The following MYO9B variants were observed in gnomAD, a reference collection of about 807,000 sequenced individuals.
MYO9B encodes the protein unconventional myosin-IXb.
A neutral mutation model predicts 229.5 loss-of-function variants in MYO9B; 71 were observed. That is an observed-to-expected ratio of 0.31 (90% CI 0.26 to 0.38). The LOEUF is 0.38. Among genes scored for constraint, MYO9B ranks in the 10% least tolerant of loss-of-function variants. The pLI is 1.00. For synonymous variants in MYO9B, 1,185 were observed against 1,235.8 expected (o/e 0.96, Z 0.86); for missense variants, 2,255 against 2,920.5 (o/e 0.77, Z 5.25).
intron 2 of MYO9B, among the ~76,000 whole-genome samples, chr19:17,123,561 C>T (rs920171546): frequency 1.5e-4 from 23 of 152,172 alleles, no homozygotes; most frequent in African/African-American, 5.5e-4. Flanking sequence ...CTGCCTCAAC[C>T]TCTGAAATAG....
In MYO9B at chr19:17,195,031, AC is replaced by A. The variant is rs779679840; in HGVS notation, c.3607del (p.Leu1203PhefsTer2). 1 of 1,612,810 alleles carries A rather than the reference AC, an allele frequency of 6.2e-7. No homozygotes were observed. The highest frequency in any genetic ancestry group is 8.5e-7 in the Non-Finnish European group (1 of 1,179,794). On this transcript the variant is annotated frameshift_variant, in exon 22 of 40. Transcript: ENST00000682292. LOFTEE classifies it high-confidence loss of function. This position sits in a 1 kb window ranked among gnomAD's most constrained non-coding sequence, Gnocchi z 4.5. Reference protein sequence around the residue: ...EDKKESREDETLLVVETEAEN... With the variant: ...EDKKESREDEXLLVVETEAEN... ...CAAAAAGGAGAGCAGAGAAGATGAA[AC>A]CCTTCTAGTCGTAGAGACGGAGGCT...
chr19:17,169,952 G>A (rs764188191), intron 11 of MYO9B, among the ~76,000 whole-genome samples: 16 of 151,398 alleles, frequency 1.1e-4, no homozygotes, highest in African/African-American at 3.4e-4. Flanking sequence ...AGCGATTCTC[G>A]TGTCTCAGCC....
intron 11 of MYO9B, among the ~76,000 whole-genome samples, chr19:17,170,698 C>T (rs910795361): frequency 6.8e-6 from 1 of 148,050 alleles, no homozygotes; most frequent in Non-Finnish European, 1.5e-5. Context: ...GTGGCATGCA[C>T]CTATAGTCCC....
intron 2 of MYO9B, among the ~76,000 whole-genome samples, chr19:17,138,306 G>T (rs923436402): frequency 6.6e-6 from 1 of 152,258 alleles, no homozygotes; most frequent in South Asian, 2.1e-4. Flanking sequence ...ATCACTGATG[G>T]ACATTTGGGT....
At chr19:17,095,511 A>C (rs1192650139) in intron 1 of MYO9B, 4 of 152,250 alleles carry the variant, frequency 2.6e-5, no homozygotes, top group Non-Finnish European at 5.9e-5. Context: ...GGGTTCATCC[A>C]TGTTGTAGCA....
intron 20 of MYO9B, among the ~76,000 whole-genome samples, chr19:17,192,333 C>G (rs142657579): frequency 6.6e-6 from 1 of 150,556 alleles, no homozygotes; most frequent in Admixed American, 6.6e-5. Flanking sequence ...GTGGCTCATG[C>G]CTGTAATCCC....
intron 2 of MYO9B, among the ~76,000 whole-genome samples, chr19:17,106,216 G>A (rs565943929): frequency 7.9e-5 from 12 of 152,204 alleles, no homozygotes; most frequent in African/African-American, 2.4e-4. Context: ...GGCTGGTCTC[G>A]AACTCCTGGC....
At chr19:17,165,635 T>C (rs537389582) in intron 10 of MYO9B, among the ~76,000 whole-genome samples, 45 of 151,998 alleles carry the variant, frequency 3.0e-4, no homozygotes, top group Middle Eastern at 6.8e-3. Context: ...TAACCAGGCA[T>C]ATAGTGGCAC....
At chr19:17,186,814 T>C (rs2072924541) in intron 18 of MYO9B, among the ~76,000 whole-genome samples, 2 of 152,080 alleles carry the variant, frequency 1.3e-5, no homozygotes, top group Non-Finnish European at 2.9e-5. Context: ...CACTGCAGCC[T>C]CGACCTCCCA....
chr19:17,143,870 G>A (rs571878915), intron 2 of MYO9B, among the ~76,000 whole-genome samples: 14 of 152,294 alleles, frequency 9.2e-5, no homozygotes, highest in African/African-American at 2.4e-4. Context: ...GCAGTGAGCC[G>A]AGATCGTGCC....
chr19:17,194,822 C>T lies in MYO9B; in HGVS notation c.3395C>T (p.Thr1132Ile), dbSNP rs2073023469. ...GAGAAGACTCTCCCACCCCAGAAAA[C>T]CGTGGCGGCTGAAAGTCACGAGAAA... ...SPEKTLPPQK[T>I]VAAESHEKVP... The change falls in exon 22 of 40, where the codon ACC (threonine) becomes ATC (isoleucine). Residue 1132 changes from threonine (T) to isoleucine (I), a missense_variant. By Grantham distance (89) the Thr-to-Ile change is moderately conservative. Around this residue, in one of 7 missense-constraint regions of MYO9B, gnomAD observed 679 missense variants for 770.2 expected, o/e 0.88. Coordinates refer to ENST00000682292, the MANE Select transcript of MYO9B (RefSeq NM_004145.4). 4.3e-6 allele frequency: 7 copies of T among 1,613,366 alleles called. No individual in the cohort carries two copies. In the East Asian group the frequency reaches 1.6e-4, roughly 36 times the overall value.
rs1568661887 is a variant in MYO9B, at chr19:17,101,944, G to T, written c.227G>T (p.Trp76Leu). Residue 76 changes from tryptophan to leucine, a missense_variant, in exon 2 of 40, where the codon TGG (tryptophan) becomes TTG (leucine). Physicochemically the swap from Trp to Leu is moderately conservative, Grantham distance 61. Coordinates refer to ENST00000682292, the MANE Select transcript of MYO9B (RefSeq NM_004145.4). The surrounding 1 kb of genome is among the most constrained non-coding windows in gnomAD (Gnocchi z 4.7). ...GTCAAAGAGTCGGGAGGCGAGGAAT[G>T]GGTGCTGGACGCCAACGACTCGCCT... The part of the protein sequence containing the change: ...VEVKESGGEE[W>L]VLDANDSPVH... 6.2e-7 allele frequency: 1 copy of T among 1,613,524 alleles called. No individual in the cohort carries two copies. The highest frequency in any genetic ancestry group is 2.2e-5 in the East Asian group (1 of 44,884).
intron 11 of MYO9B, among the ~76,000 whole-genome samples, chr19:17,171,327 C>T (rs2072722489): frequency 6.6e-6 from 1 of 152,032 alleles, no homozygotes; most frequent in Non-Finnish European, 1.5e-5. Flanking sequence ...TTATTCTGCC[C>T]CCACAATCTC....
At chr19:17,186,274 C>T (rs138127831) in intron 18 of MYO9B, among the ~76,000 whole-genome samples, 12 of 152,174 alleles carry the variant, frequency 7.9e-5, no homozygotes, top group Middle Eastern at 3.4e-3. Context: ...AAAGAGTAGC[C>T]GGTGCAAGGA....
intron 11 of MYO9B, among the ~76,000 whole-genome samples, chr19:17,169,969 G>A (rs1373826577): frequency 6.6e-6 from 1 of 151,786 alleles, no homozygotes; most frequent in Non-Finnish European, 1.5e-5. Context: ...AGCCTCCCGA[G>A]TAGCTGGGAT....
At chr19:17,144,435 T>C (rs2072381249) in intron 2 of MYO9B, among the ~76,000 whole-genome samples, 1 of 136,444 alleles carries the variant, frequency 7.3e-6, no homozygotes, top group Non-Finnish European at 1.6e-5. Context: ...CAAAACCCCA[T>C]CTCTACAAAA....
rs748522872 is a variant in MYO9B at position 17,102,047 on chromosome 19, G to A, written c.330G>A (p.Gln110=). ...PQEDGYYFLL[Q]ERNADGTIKY... Reference sequence around the variant, plus strand: ...AGGATGGCTACTACTTCCTGCTGCAGGAGCGCAACGCAGATGGAACCATCA... The same window carrying A: ...AGGATGGCTACTACTTCCTGCTGCAAGAGCGCAACGCAGATGGAACCATCA... Residue 110 remains glutamine (Q), a synonymous_variant, in exon 2 of 40, where the codon CAG becomes CAA. Coordinates refer to ENST00000682292, the MANE Select transcript of MYO9B (RefSeq NM_004145.4). 2.5e-6 allele frequency: 4 copies of A among 1,612,292 alleles called. No homozygotes were observed. The African/African-American group carries it at 4.0e-5, about 16-fold the overall frequency.
intron 17 of MYO9B, among the ~76,000 whole-genome samples, chr19:17,185,546 C>CA (rs556058505): frequency 0.033 from 3,842 of 118,034 alleles, 152 homozygotes; most frequent in African/African-American, 0.084. Flanking sequence ...GACTGCGTCT[C>CA]AAAAAAAAAA....
chr19:17,168,215 A>AGTGTAGTG (rs1283628478), intron 11 of MYO9B, among the ~76,000 whole-genome samples, 151 bp downstream of exon 11: 1 of 152,082 alleles, frequency 6.6e-6, no homozygotes. Flanking sequence ...CCCAGGCTGG[A>AGTGTAGTG]GTGTAGTGGT....
Sources: allele counts gnomAD v4.1 joint callset (sites outside exome capture counted in the v4.1 genomes callset), GRCh38; gene constraint gnomAD v4.1.1; regional missense constraint gnomAD v4.1.1; non-coding constraint Gnocchi (gnomAD v3.1); transcripts MANE v1.5; gene names NCBI Gene and HGNC (gene_info 2026-07-23, HGNC 2026-07-21).